Variants in ADGRG6 observed in about 807,000 individuals in gnomAD.
ADGRG6 encodes the protein G-protein coupled receptor 126.
A neutral mutation model predicts 142.4 loss-of-function variants in ADGRG6; 84 were observed. The ratio of observed to expected loss-of-function variants is 0.59; its 90% confidence interval spans 0.49 to 0.71. ADGRG6 has a LOEUF of 0.71. ADGRG6 is among the 30% of genes least tolerant of loss of function. ADGRG6 has a pLI of 0.00. For missense variants in ADGRG6, 1,367 were observed against 1,466.6 expected (o/e 0.93, Z 1.11); for synonymous variants, 521 against 520.5 (o/e 1.00, Z -0.01).
At chr6:142,340,812 G>T (rs1779585897) in intron 2 of ADGRG6, among the ~76,000 whole-genome samples, 1 of 152,054 alleles carries the variant, frequency 6.6e-6, no homozygotes, top group Admixed American at 6.6e-5. Context: ...TGATGTCTGT[G>T]TAGTGTATGT....
At chr6:142,310,779 A>G (rs1777729910) in intron 2 of ADGRG6, among the ~76,000 whole-genome samples, 1 of 151,822 alleles carries the variant, frequency 6.6e-6, no homozygotes, top group Non-Finnish European at 1.5e-5. Flanking sequence ...TTGTAAAGCC[A>G]TTTTCCTTAT....
At chr6:142,352,631 T>A (rs1780243083) in intron 2 of ADGRG6, among the ~76,000 whole-genome samples, 1 of 152,194 alleles carries the variant, frequency 6.6e-6, no homozygotes, top group Non-Finnish European at 1.5e-5. Flanking sequence ...AAAATTATCT[T>A]GTAATATTAA....
intron 9 of ADGRG6, among the ~76,000 whole-genome samples, chr6:142,396,891 T>G (rs1367653326): frequency 6.6e-6 from 1 of 152,170 alleles, no homozygotes; most frequent in African/African-American, 2.4e-5. Context: ...CTTTAAATTG[T>G]AGAACCAAAA....
intron 22 of ADGRG6, among the ~76,000 whole-genome samples, chr6:142,424,800 T>C (rs994607013): frequency 1.7e-4 from 26 of 152,156 alleles, no homozygotes; most frequent in Non-Finnish European, 3.5e-4. Flanking sequence ...TCATGGAATT[T>C]ATATTCTAGT....
intron 16 of ADGRG6, among the ~76,000 whole-genome samples, chr6:142,409,014 T>TA (rs1387919531): frequency 6.6e-6 from 1 of 152,192 alleles, no homozygotes; most frequent in Non-Finnish European, 1.5e-5. Context: ...GGACGATTTT[T>TA]AAAAATTGTA....
chr6:142,314,197 C>T (rs1242768220), intron 2 of ADGRG6, among the ~76,000 whole-genome samples: 2 of 152,108 alleles, frequency 1.3e-5, no homozygotes, highest in Non-Finnish European at 2.9e-5. Context: ...CGATGTTGTT[C>T]AATATGAAAT....
At chr6:142,426,659 C>A (rs1021809807) in intron 22 of ADGRG6, among the ~76,000 whole-genome samples, 1 of 152,158 alleles carries the variant, frequency 6.6e-6, no homozygotes, top group Non-Finnish European at 1.5e-5. Flanking sequence ...TGTGTGGGGC[C>A]CAGACCACAC....
At chr6:142,320,538 A>G (rs1275803712) in intron 2 of ADGRG6, among the ~76,000 whole-genome samples, 3 of 152,096 alleles carry the variant, frequency 2.0e-5, no homozygotes, top group African/African-American at 7.2e-5. Flanking sequence ...AGTCAGAGAT[A>G]CCTTTTCCAT....
chr6:142,314,165 A>G (rs776587339), intron 2 of ADGRG6, among the ~76,000 whole-genome samples: 1 of 152,162 alleles, frequency 6.6e-6, no homozygotes, highest in Non-Finnish European at 1.5e-5. Flanking sequence ...TTTTCTTCAT[A>G]CACCTTTGGA....
intron 24 of ADGRG6, among the ~76,000 whole-genome samples, chr6:142,442,444 T>C (rs1289015884): frequency 6.6e-6 from 1 of 152,020 alleles, no homozygotes; most frequent in African/African-American, 2.4e-5. Flanking sequence ...TTCAGAACAC[T>C]ATCTGAGCCA....
intron 2 of ADGRG6, among the ~76,000 whole-genome samples, chr6:142,341,593 T>TTATATATACTATATATATATAATATATA (rs1562324085): frequency 4.7e-5 from 6 of 126,834 alleles, no homozygotes; most frequent in African/African-American, 1.8e-4. Context: ...TATAATATTA[T>TTATATATACTATATATATATAATATATA]ATATTATATA....
intron 1 of ADGRG6, among the ~76,000 whole-genome samples, chr6:142,308,405 C>G (rs1777605855): frequency 6.6e-6 from 1 of 151,970 alleles, no homozygotes; most frequent in Non-Finnish European, 1.5e-5. Context: ...TTTAAAAATG[C>G]AGTCTTGAGG....
At chr6:142,336,161 C>G (rs934616873) in intron 2 of ADGRG6, among the ~76,000 whole-genome samples, 1 of 152,162 alleles carries the variant, frequency 6.6e-6, no homozygotes, top group African/African-American at 2.4e-5. Context: ...GCAGCTCAGA[C>G]TTCTCTCAAG....
chr6:142,309,741 C>A, intron 2 of ADGRG6, 97 bp downstream of exon 2: 1 of 720,820 alleles, frequency 1.4e-6, no homozygotes, highest in South Asian at 2.5e-5. Flanking sequence ...CTTTTACTTA[C>A]TGCCTTTTTT....
chr6:142,303,271 C>T (rs1777317273), intron 1 of ADGRG6, among the ~76,000 whole-genome samples: 1 of 152,208 alleles, frequency 6.6e-6, no homozygotes, highest in Admixed American at 6.5e-5. Context: ...CTTCCCCCAA[C>T]TCCTGGATCT....
intron 18 of ADGRG6, among the ~76,000 whole-genome samples, chr6:142,412,221 G>T (rs1405126294): frequency 6.6e-6 from 1 of 152,070 alleles, no homozygotes; most frequent in Non-Finnish European, 1.5e-5. Flanking sequence ...ACACTTTTCT[G>T]GTCTCCAGGG....
chr6:142,338,127 T>C (rs913262246), intron 2 of ADGRG6, among the ~76,000 whole-genome samples: 9 of 147,202 alleles, frequency 6.1e-5, no homozygotes, highest in Non-Finnish European at 9.0e-5. Context: ...TTCACGCCAT[T>C]CTCCTGCCTC....
chr6:142,398,579 C>A (rs1775328056), intron 10 of ADGRG6, among the ~76,000 whole-genome samples: 1 of 152,186 alleles, frequency 6.6e-6, no homozygotes, highest in South Asian at 2.1e-4. Context: ...GCTCTAGCCA[C>A]ACATATGGCA....
At chr6:142,348,227 ATATTTCTAAAATGGTATTTGTTAATCCC>A (rs1780000050) in intron 2 of ADGRG6, among the ~76,000 whole-genome samples, 1 of 152,184 alleles carries the variant, frequency 6.6e-6, no homozygotes, top group African/African-American at 2.4e-5. Flanking sequence ...CTAGGACAGT[ATATTTCTAAAATGGTATTTGTTAATCCC>A]TCCAGAGAAT....
Sources: gnomAD v4.1 joint callset for allele counts (sites outside exome capture counted in the v4.1 genomes callset) on GRCh38, gnomAD v4.1.1 for gene constraint, MANE v1.5 for transcripts, NCBI Gene and HGNC (gene_info 2026-07-23, HGNC 2026-07-21) for gene names.